Variants in CERS6 observed in about 807,000 individuals in gnomAD.
CERS6 encodes the protein LAG1 homolog, ceramide synthase 6.
A neutral mutation model predicts 56.8 loss-of-function variants in CERS6; 26 were observed. That is an observed-to-expected ratio of 0.46 (90% CI 0.34 to 0.63). The LOEUF is 0.63. Among genes scored for constraint, CERS6 ranks in the 30% least tolerant of loss-of-function variants. The pLI, the probability that CERS6 is intolerant of heterozygous loss-of-function variation, is 0.01. For missense variants in CERS6, 415 were observed against 467.5 expected (o/e 0.89, Z 1.04); for synonymous variants, 164 against 173.3 (o/e 0.95, Z 0.42).
At chr2:168,658,570 G>A (rs1438762905) in intron 4 of CERS6, among the ~76,000 whole-genome samples, 2 of 152,256 alleles carry the variant, frequency 1.3e-5, no homozygotes, top group East Asian at 3.8e-4. Context: ...CGTCAGGCGT[G>A]CTTGATGACC....
chr2:168,690,932 A>G, intron 4 of CERS6, 102 bp from the exon 5 acceptor site: 1 of 1,038,394 alleles, frequency 9.6e-7, no homozygotes, highest in Non-Finnish European at 1.5e-6. Flanking sequence ...CAGGTAAATT[A>G]TTGAAATCCA....
chr2:168,715,940 A>T (rs918692208), intron 7 of CERS6, among the ~76,000 whole-genome samples: 58 of 151,634 alleles, frequency 3.8e-4, no homozygotes, highest in African/African-American at 1.4e-3. Context: ...TTTTTCCTTT[A>T]GGCCCACCGT....
At chr2:168,575,922 G>A (rs918947987) in intron 3 of CERS6, among the ~76,000 whole-genome samples, 2 of 152,018 alleles carry the variant, frequency 1.3e-5, no homozygotes, top group Non-Finnish European at 2.9e-5. Context: ...TTAGGAAACC[G>A]TGGATATTTA....
At chr2:168,653,316 C>T (rs775467272) in intron 4 of CERS6, among the ~76,000 whole-genome samples, 7 of 152,192 alleles carry the variant, frequency 4.6e-5, no homozygotes, top group Non-Finnish European at 5.9e-5. Flanking sequence ...ATGGCTGCTC[C>T]ACTTTTCTTG....
At chr2:168,674,885 TA>T (rs1302360751) in intron 4 of CERS6, among the ~76,000 whole-genome samples, 15 of 152,360 alleles carry the variant, frequency 9.8e-5, no homozygotes, top group African/African-American at 3.6e-4. Flanking sequence ...TTGTTTATGT[TA>T]TTGATGTTAG....
intron 5 of CERS6, among the ~76,000 whole-genome samples, chr2:168,691,588 A>T (rs1007579569): frequency 6.6e-6 from 1 of 152,174 alleles, no homozygotes; most frequent in African/African-American, 2.4e-5. Flanking sequence ...ATGTGGAAGG[A>T]TTATTTCTGC....
intron 1 of CERS6, among the ~76,000 whole-genome samples, chr2:168,543,519 T>TA (rs1451977703): frequency 6.6e-6 from 1 of 152,048 alleles, no homozygotes; most frequent in Non-Finnish European, 1.5e-5. Context: ...TAGTCAGTGA[T>TA]AAAATTATAG....
chr2:168,548,314 A>G (rs1479697884), intron 2 of CERS6, among the ~76,000 whole-genome samples: 1 of 152,140 alleles, frequency 6.6e-6, no homozygotes, highest in African/African-American at 2.4e-5. Flanking sequence ...AGTGGGAGGA[A>G]GGGAGTGGGA....
chr2:168,722,907 G>A (rs1315017982), intron 8 of CERS6, among the ~76,000 whole-genome samples: 1 of 152,166 alleles, frequency 6.6e-6, no homozygotes, highest in Non-Finnish European at 1.5e-5. Flanking sequence ...GTCCTCTGTG[G>A]CATCCCTGTG....
In CERS6 at chr2:168,538,241, C is replaced by CAA. The variant is rs59857969; in HGVS notation, c.171-9338_171-9337dup. ...TTCCTACCTCACTCAGTGTAAAAAC[C>CAA]AAAAAAAAAAAAAAAAAAGTCCCTA... is the stretch of plus-strand genomic sequence containing the variant. On this transcript the variant is annotated intron_variant, in intron 1 of 9. Coordinates refer to ENST00000305747, the MANE Select transcript of CERS6 (RefSeq NM_203463.3). 5.8e-3 allele frequency among the ~76,000 whole-genome samples: 569 copies of CAA among 98,804 alleles called. 6 individuals are homozygous for CAA. The highest frequency in any genetic ancestry group is 0.021 in the African/African-American group (528 of 24,730). 64.8% of individuals were successfully genotyped at this position (98,804 alleles called of 152,430 possible).
chr2:168,761,748 A>G (rs144911986), intron 8 of CERS6, among the ~76,000 whole-genome samples: 1 of 152,130 alleles, frequency 6.6e-6, no homozygotes, highest in Admixed American at 6.6e-5. Flanking sequence ...CCACACCACC[A>G]CAGAGTTGAG....
intron 1 of CERS6, among the ~76,000 whole-genome samples, chr2:168,537,758 T>C (rs1695291367): frequency 6.6e-6 from 1 of 152,226 alleles, no homozygotes; most frequent in African/African-American, 2.4e-5. Flanking sequence ...CATCTATATG[T>C]TGATGAAAAT....
At chr2:168,764,206 G>A (rs765201383) in intron 8 of CERS6, among the ~76,000 whole-genome samples, 13 of 151,866 alleles carry the variant, frequency 8.6e-5, no homozygotes, top group African/African-American at 1.2e-4. Context: ...GCAGTGGCAC[G>A]ATCTCTGCTC....
intron 1 of CERS6, among the ~76,000 whole-genome samples, chr2:168,502,183 A>G (rs1172062873): frequency 2.0e-5 from 3 of 151,864 alleles, no homozygotes; most frequent in African/African-American, 7.3e-5. Context: ...CTGGATTCCA[A>G]TGGGTCAGAT....
chr2:168,664,767 GTTTTATCAGCAACGTCT>G (rs1559042574), intron 4 of CERS6, among the ~76,000 whole-genome samples: 1 of 152,176 alleles, frequency 6.6e-6, no homozygotes, highest in East Asian at 1.9e-4. Context: ...ACTGCAAACT[GTTTTATCAGCAACGTCT>G]TTATGACCTG....
At chr2:168,705,295 A>G (rs1686910158) in intron 6 of CERS6, among the ~76,000 whole-genome samples, 1 of 152,194 alleles carries the variant, frequency 6.6e-6, no homozygotes, top group Non-Finnish European at 1.5e-5. Context: ...TGTAAATAGG[A>G]ATTCACCAGG....
intron 1 of CERS6, among the ~76,000 whole-genome samples, chr2:168,462,508 C>T (rs893843256): frequency 6.6e-5 from 10 of 152,118 alleles, no homozygotes; most frequent in African/African-American, 2.4e-4. Context: ...GACATCTATA[C>T]TGTAGCATGA....
intron 2 of CERS6, among the ~76,000 whole-genome samples, chr2:168,550,236 C>T (rs1395157511): frequency 6.6e-6 from 1 of 152,108 alleles, no homozygotes; most frequent in African/African-American, 2.4e-5. Context: ...AGTCTAGTGG[C>T]ATAACTGTAG....
chr2:168,623,976 G>A (rs1684533006), intron 3 of CERS6, among the ~76,000 whole-genome samples: 1 of 152,112 alleles, frequency 6.6e-6, no homozygotes, highest in Admixed American at 6.6e-5. Context: ...GGGCTCTTAG[G>A]GACCCTACCT....
Sources: allele counts gnomAD v4.1 joint callset (sites outside exome capture counted in the v4.1 genomes callset), GRCh38; gene constraint gnomAD v4.1.1; transcripts MANE v1.5; gene names NCBI Gene and HGNC (gene_info 2026-07-23, HGNC 2026-07-21).